UNC13C: variants seen among roughly 807,000 people sequenced by gnomAD.
The protein encoded by UNC13C is unc-13 homolog C, also known as protein unc-13 homolog C.
In UNC13C, 174 loss-of-function variants were observed where a neutral mutation model predicts 245.4. The ratio of observed to expected loss-of-function variants is 0.71; its 90% confidence interval spans 0.63 to 0.80. The LOEUF (loss-of-function observed/expected upper bound fraction) is 0.80, where lower values mean the gene tolerates loss of function less well. Among genes scored for constraint, UNC13C ranks in the 30% least tolerant of loss-of-function variants. UNC13C has a pLI of 0.00. For synonymous variants in UNC13C, 992 were observed against 895.1 expected, an observed-to-expected ratio of 1.11 and a Z score of -1.93; for missense variants, 2,829 against 2,602.9, an observed-to-expected ratio of 1.09 and a Z score of -1.89.
intron 2 of UNC13C, among the ~76,000 whole-genome samples, chr15:54,122,055 T>C (rs1251677801): frequency 6.6e-6 from 1 of 152,078 alleles, no homozygotes. Flanking sequence ...TTTGGACTTT[T>C]TAATGTAGCC....
intron 30 of UNC13C, among the ~76,000 whole-genome samples, chr15:54,593,961 A>G (rs910489434): frequency 1.3e-5 from 2 of 152,184 alleles, no homozygotes; most frequent in Non-Finnish European, 2.9e-5. Context: ...CATAGGCTCT[A>G]TCAGAGGGAA....
chr15:53,948,784 G>A, the UNC13C span, among the ~76,000 whole-genome samples: 6 of 151,844 alleles, frequency 4.0e-5, no homozygotes, highest in African/African-American at 1.2e-4. Flanking sequence ...TCAAGCAGAG[G>A]AAAAGGGGAC....
At chr15:54,147,052 C>G (rs1175227693) in intron 4 of UNC13C, among the ~76,000 whole-genome samples, 4 of 152,096 alleles carry the variant, frequency 2.6e-5, no homozygotes, top group African/African-American at 9.7e-5. Flanking sequence ...TTGGGAGCAG[C>G]TTGGGGAGGG....
chr15:54,580,405 T>C (rs1898147290), intron 30 of UNC13C, among the ~76,000 whole-genome samples: 1 of 152,210 alleles, frequency 6.6e-6, no homozygotes, highest in African/African-American at 2.4e-5. Context: ...AAGCCAACCT[T>C]GTACAAACCT....
intron 2 of UNC13C, among the ~76,000 whole-genome samples, chr15:54,096,869 A>G (rs1294041831): frequency 6.6e-6 from 1 of 152,246 alleles, no homozygotes; most frequent in Non-Finnish European, 1.5e-5. Context: ...TTTAATATTC[A>G]AAAGGATATA....
At position 54,082,739 on chromosome 15, in the gene UNC13C, T is replaced by A. The variant is rs1191256682; in HGVS notation, c.2984-60279T>A. ...GAGTTTTCTATCATTTTGATGGGAC[T>A]GTTTTTAATTTTTTATCTTTTCCCT... On this transcript the variant is annotated intron_variant, in intron 2 of 32. Coordinates refer to ENST00000260323, the MANE Select transcript of UNC13C (RefSeq NM_001080534.3). Among the ~76,000 whole-genome samples the A allele has an allele frequency of 3.3e-5, 5 of 152,198 alleles. No individual in the cohort carries two copies. In the East Asian group the frequency reaches 9.6e-4, roughly 29 times the overall value.
rs201991517 is a variant in UNC13C at position 54,600,001 on chromosome 15, G to GT, written c.6107-22319dup. On this transcript the variant is annotated intron_variant, in intron 30 of 32. Transcript: ENST00000260323. The stretch of plus-strand genomic sequence containing the variant: ...TGTAGTAATTGTTTTGAATACTTTT[G>GT]TTTTTTTAGGAAGAAATTTCCTAGG... Among the ~76,000 whole-genome samples, 98 of 152,054 alleles carry GT rather than the reference G, an allele frequency of 6.4e-4. 1 individual carries two copies. In the East Asian group the frequency reaches 0.017, roughly 27 times the overall value.
At chr15:54,143,749 A>T in intron 4 of UNC13C, 65 bp downstream of exon 4, 2 of 1,277,502 alleles carry the variant, frequency 1.6e-6, no homozygotes, top group Non-Finnish European at 2.3e-6. Flanking sequence ...TGTTCTCAAC[A>T]TATATGCTTT....
At chr15:54,412,405 C>A (rs1267682610) in intron 18 of UNC13C, among the ~76,000 whole-genome samples, 1 of 152,072 alleles carries the variant, frequency 6.6e-6, no homozygotes, top group East Asian at 1.9e-4. Flanking sequence ...CTTTTAAAAC[C>A]ATCAGATCTC....
intron 2 of UNC13C, among the ~76,000 whole-genome samples, chr15:54,018,898 C>T (rs1895777257): frequency 6.6e-6 from 1 of 151,900 alleles, no homozygotes; most frequent in Non-Finnish European, 1.5e-5. Context: ...TGGATAAATG[C>T]CTGAATCAAG....
At chr15:54,200,302 G>A (rs1274000373) in intron 4 of UNC13C, among the ~76,000 whole-genome samples, 8 of 151,962 alleles carry the variant, frequency 5.3e-5, no homozygotes, top group Admixed American at 5.3e-4. Flanking sequence ...AGAAACAATG[G>A]ACTTAAACTA....
the UNC13C span, among the ~76,000 whole-genome samples, chr15:53,894,849 A>G: frequency 1.3e-5 from 2 of 152,166 alleles, no homozygotes; most frequent in Admixed American, 1.3e-4. Flanking sequence ...ATTAGTGTAA[A>G]TTATTGCCCC....
At chr15:54,471,236 A>G (rs1403835860) in intron 19 of UNC13C, among the ~76,000 whole-genome samples, 1 of 151,448 alleles carries the variant, frequency 6.6e-6, no homozygotes, top group African/African-American at 2.4e-5. Flanking sequence ...GTTCAAGCAA[A>G]TGCTTTTTTA....
At chr15:54,485,540 T>C (rs1382972943) in intron 19 of UNC13C, among the ~76,000 whole-genome samples, 1 of 152,214 alleles carries the variant, frequency 6.6e-6, no homozygotes, top group East Asian at 1.9e-4. Context: ...GCCTCCACTT[T>C]CTCATCCCTG....
the UNC13C span, among the ~76,000 whole-genome samples, chr15:53,908,991 G>A: frequency 3.4e-5 from 5 of 145,898 alleles, no homozygotes; most frequent in Admixed American, 1.4e-4. Context: ...TATGTGGTTT[G>A]TTTATATATA....
intron 13 of UNC13C, among the ~76,000 whole-genome samples, chr15:54,301,078 T>C (rs2037567587): frequency 6.6e-6 from 1 of 152,138 alleles, no homozygotes; most frequent in South Asian, 2.1e-4. Context: ...AGTTTCCTTT[T>C]TGAGACCTGG....
intron 9 of UNC13C, 38 bp from the exon 10 acceptor site, chr15:54,265,317 A>G: frequency 7.3e-7 from 1 of 1,366,668 alleles, no homozygotes; most frequent in Non-Finnish European, 9.5e-7. Flanking sequence ...GTTTCTGAGG[A>G]CTCTGTATGT....
In UNC13C at chr15:54,355,047, C is replaced by T. The variant is rs1420788761; in HGVS notation, c.4713+16558C>T. ...AGGCCTGAACTATCATGTTCAGCCT[C>T]CTTGCCACGTGATGCCCTGTGCCCC... On this transcript the variant is annotated intron_variant, in intron 17 of 32. Transcript: ENST00000260323. Among the ~76,000 whole-genome samples, 4 of 152,110 alleles carry T rather than the reference C, an allele frequency of 2.6e-5. No homozygotes were observed. The South Asian group carries it at 8.3e-4, about 32-fold the overall frequency.
the UNC13C span, among the ~76,000 whole-genome samples, chr15:53,948,934 T>C: frequency 1.3e-5 from 2 of 152,192 alleles, no homozygotes; most frequent in African/African-American, 4.8e-5. Context: ...TTGGAATTTA[T>C]TCTTTACACA....
Sources: allele counts gnomAD v4.1 joint callset (sites outside exome capture counted in the v4.1 genomes callset), GRCh38; gene constraint gnomAD v4.1.1; transcripts MANE v1.5; gene names NCBI Gene and HGNC (gene_info 2026-07-23, HGNC 2026-07-21).